RALGPS2: variants seen among roughly 807,000 people sequenced by gnomAD.
RALGPS2 encodes the protein ras-specific guanine nucleotide-releasing factor RalGPS2.
In RALGPS2, 43 loss-of-function variants were observed where a neutral mutation model predicts 86.8. The observed-to-expected ratio is 0.50, with a 90% CI of 0.39 to 0.64. The LOEUF (loss-of-function observed/expected upper bound fraction) is 0.64. Among genes scored for constraint, RALGPS2 ranks in the 30% least tolerant of loss-of-function variants. RALGPS2 has a pLI of 0.00. For missense variants in RALGPS2, 536 were observed against 694.6 expected (o/e 0.77, Z 2.57); for synonymous variants, 243 against 231.3 (o/e 1.05, Z -0.46).
intron 1 of RALGPS2, among the ~76,000 whole-genome samples, chr1:178,735,680 TTCA>T (rs1484143533): frequency 6.6e-6 from 1 of 150,770 alleles, no homozygotes; most frequent in Non-Finnish European, 1.5e-5. Context: ...CATTGTAAAA[TTCA>T]TCACACAGAA....
Sources: gnomAD v4.1 joint callset for allele counts (sites outside exome capture counted in the v4.1 genomes callset) on GRCh38, gnomAD v4.1.1 for gene constraint, MANE v1.5 for transcripts, NCBI Gene and HGNC (gene_info 2026-07-23, HGNC 2026-07-21) for gene names.